SNX30: variants seen among roughly 807,000 people sequenced by gnomAD.
SNX30 encodes sorting nexin family member 30, also known as sorting nexin-30.
A neutral mutation model predicts 46.4 loss-of-function variants in SNX30; 24 were observed. The ratio of observed to expected loss-of-function variants is 0.52; its 90% CI spans 0.37 to 0.73. The LOEUF (loss-of-function observed/expected upper bound fraction) is 0.73. Ranked by LOEUF, SNX30 falls within the 30% of genes least tolerant of loss-of-function variation. The probability of loss-of-function intolerance (pLI) is 0.00; values close to 1 mark genes in which losing one functional copy is unlikely to be tolerated. For synonymous variants in SNX30, 189 were observed against 211.5 expected, an observed-to-expected ratio of 0.89 and a Z score of 0.92; for missense variants, 533 against 555.7, an observed-to-expected ratio of 0.96 and a Z score of 0.41.
chr9:112,868,601 C>T (rs570622439), intron 8 of SNX30, among the ~76,000 whole-genome samples, 183 bp from the exon 9 acceptor site: 9 of 152,234 alleles, frequency 5.9e-5, no homozygotes, highest in South Asian at 2.1e-4. Flanking sequence ...GATGGGGTGA[C>T]GCATTCAAAA....
downstream of SNX30, among the ~76,000 whole-genome samples, chr9:112,884,606 G>A (rs563346619): frequency 6.6e-6 from 1 of 152,324 alleles, no homozygotes; most frequent in African/African-American, 2.4e-5. Context: ...TCTCTGGTGG[G>A]TGGGATCCTG....
Position 112,868,752 on chromosome 9 carries a change from G to C in SNX30, c.1255-32G>C, listed in dbSNP as rs576377492. The C allele has an allele frequency of 2.5e-6, 4 of 1,613,366 alleles. No homozygotes were observed. The African/African-American group carries it at 5.3e-5, about 22-fold the overall frequency. On this transcript the variant is annotated intron_variant, in intron 8 of 8. Transcript: ENST00000374232. ...GCTGACCCGAAATCGGAAACTCAAA[G>C]CTGATACTGTGTGTGTATGTTGTCG...
intron 1 of SNX30, among the ~76,000 whole-genome samples, chr9:112,790,990 C>G (rs1840010151): frequency 1.3e-5 from 2 of 152,046 alleles, no homozygotes; most frequent in South Asian, 2.1e-4. Flanking sequence ...GTGGACATGG[C>G]TTTGTGATTT....
chr9:112,868,042 C>T (rs913270474), intron 8 of SNX30, among the ~76,000 whole-genome samples: 1 of 152,192 alleles, frequency 6.6e-6, no homozygotes, highest in Admixed American at 6.5e-5. Flanking sequence ...GAGAGAACAT[C>T]AGCGTGGGAA....
intron 3 of SNX30, among the ~76,000 whole-genome samples, chr9:112,823,161 C>T (rs1346786906): frequency 6.6e-6 from 1 of 152,098 alleles, no homozygotes; most frequent in African/African-American, 2.4e-5. Context: ...CACAGTGACA[C>T]CTTGTTTCTA....
intron 2 of SNX30, 120 bp from the exon 3 acceptor site, chr9:112,817,585 G>C (rs1341691396): frequency 1.6e-6 from 1 of 644,196 alleles, no homozygotes; most frequent in African/African-American, 1.8e-5. Flanking sequence ...TGGCTGTTGT[G>C]TTTGGTGGAA....
At chr9:112,804,641 A>G (rs1469497273) in intron 1 of SNX30, 135 bp from the exon 2 acceptor site, 2 of 664,956 alleles carry the variant, frequency 3.0e-6, no homozygotes, top group Non-Finnish European at 5.1e-6. Flanking sequence ...AACACTGAGT[A>G]GGGAGAGGCT....
intron 1 of SNX30, among the ~76,000 whole-genome samples, chr9:112,763,907 C>T (rs1839486770): frequency 6.6e-6 from 1 of 151,342 alleles, no homozygotes; most frequent in African/African-American, 2.4e-5. Flanking sequence ...AATTTTGTTA[C>T]ATGGATAGAT....
chr9:112,866,754 C>A (rs1841350766), intron 8 of SNX30, among the ~76,000 whole-genome samples: 1 of 150,888 alleles, frequency 6.6e-6, no homozygotes, highest in Non-Finnish European at 1.5e-5. Context: ...CTCAGAACTC[C>A]TCCTGCCTCC....
At chr9:112,828,480 C>A (rs548333440) in intron 3 of SNX30, among the ~76,000 whole-genome samples, 72 of 151,866 alleles carry the variant, frequency 4.7e-4, no homozygotes, top group African/African-American at 1.6e-3. Context: ...GTATCTCTGT[C>A]ATTAAGTGAC....
At chr9:112,867,651 G>C (rs544266154) in intron 8 of SNX30, among the ~76,000 whole-genome samples, 1 of 146,252 alleles carries the variant, frequency 6.8e-6, no homozygotes, top group Non-Finnish European at 1.5e-5. Flanking sequence ...CGCCTCCTCA[G>C]AACTCCTTTC....
intron 8 of SNX30, 26 bp from the exon 9 acceptor site, chr9:112,868,758 A>C: frequency 6.2e-7 from 1 of 1,613,702 alleles, no homozygotes; most frequent in East Asian, 2.2e-5. Context: ...CAAAGCTGAT[A>C]CTGTGTGTGT....
At chr9:112,858,996 G>T (rs1217577243) in intron 7 of SNX30, among the ~76,000 whole-genome samples, 3 of 152,058 alleles carry the variant, frequency 2.0e-5, no homozygotes, top group Admixed American at 6.6e-5. Flanking sequence ...CAGCTTAGTC[G>T]TGTTAAGCAC....
chr9:112,840,766 A>G (rs1313488012), intron 6 of SNX30, among the ~76,000 whole-genome samples: 1 of 146,214 alleles, frequency 6.8e-6, no homozygotes, highest in East Asian at 2.0e-4. Flanking sequence ...GGTGTGAGCC[A>G]CTGCGCCTGG....
intron 2 of SNX30, among the ~76,000 whole-genome samples, chr9:112,805,461 T>C (rs1213568580): frequency 6.6e-6 from 1 of 151,542 alleles, no homozygotes; most frequent in African/African-American, 2.4e-5. Context: ...TAAATAACTT[T>C]TAAGATCATA....
At chr9:112,809,805 G>A (rs910343602) in intron 2 of SNX30, among the ~76,000 whole-genome samples, 1 of 152,080 alleles carries the variant, frequency 6.6e-6, no homozygotes, top group South Asian at 2.1e-4. Flanking sequence ...TAGAATTCTG[G>A]CAATGAAAAC....
intron 1 of SNX30, among the ~76,000 whole-genome samples, chr9:112,787,827 C>T (rs550011687): frequency 6.6e-6 from 1 of 151,172 alleles, no homozygotes; most frequent in South Asian, 2.1e-4. Flanking sequence ...GATGGAGTCT[C>T]GCTCTGTCGC....
chr9:112,771,991 G>C (rs1321530014), intron 1 of SNX30, among the ~76,000 whole-genome samples: 6 of 152,134 alleles, frequency 3.9e-5, no homozygotes, highest in Non-Finnish European at 8.8e-5. Flanking sequence ...CATGGAGCAG[G>C]GGCAAACCTT....
chr9:112,768,195 A>T (rs1293934310), intron 1 of SNX30, among the ~76,000 whole-genome samples: 1 of 152,144 alleles, frequency 6.6e-6, no homozygotes, highest in East Asian at 1.9e-4. Flanking sequence ...CTGGGAAGTT[A>T]CGTCTCTGCC....
Sources: allele counts gnomAD v4.1 joint callset (sites outside exome capture counted in the v4.1 genomes callset), GRCh38; gene constraint gnomAD v4.1.1; transcripts MANE v1.5; gene names NCBI Gene and HGNC (gene_info 2026-07-23, HGNC 2026-07-21).